PDLIM1: variants seen among roughly 807,000 people sequenced by gnomAD.
The protein encoded by PDLIM1 is PDZ and LIM domain protein 1.
In PDLIM1, 25 loss-of-function variants were observed where a neutral mutation model predicts 35.2. The observed-to-expected ratio is 0.71, with a 90% CI of 0.52 to 0.99. PDLIM1 has a LOEUF of 0.99. Among genes scored for constraint, PDLIM1 ranks in the 50% least tolerant of loss-of-function variants. The pLI is 0.00. For missense variants in PDLIM1, 363 were observed against 415.3 expected (o/e 0.87, Z 1.09); for synonymous variants, 152 against 154.0 (o/e 0.99, Z 0.10).
chr10:95,263,716 A>G lies in PDLIM1; in HGVS notation c.533+148T>C. 3 of 604,518 alleles carry G rather than the reference A, an allele frequency of 5.0e-6. No individual in the cohort carries two copies. In the Admixed American group the frequency reaches 9.1e-5, roughly 18 times the overall value. The allele number at this position is 604,518 out of a possible 1,614,324, so 37.4% of individuals were successfully genotyped here. On this transcript the variant is annotated intron_variant, in intron 4 of 6. Coordinates refer to ENST00000329399, the MANE Select transcript of PDLIM1 (RefSeq NM_020992.4). ...AGGAGGTATTGTCCCCTTTGTGTAG[A>G]TGAAGAAAATGAACACAGAAGTGTT...
Position 95,237,811 on chromosome 10 carries a change from A to G in PDLIM1, c.*114T>C. The G allele has an allele frequency of 1.2e-6, 1 of 830,562 alleles. No individual in the cohort carries two copies. The highest frequency in any genetic ancestry group is 2.7e-5 in the East Asian group (1 of 37,666). 51.4% of individuals were successfully genotyped at this position (830,562 alleles called of 1,614,324 possible). A position where few individuals can be genotyped will look rare whatever the true frequency, so the allele number is the denominator to read the frequency against. ...CAGGGAGGGGACTCAATGTTTTACA[A>G]GCAGAGGGAAAACCAAAGTAAGCAG... On this transcript the variant is annotated 3_prime_UTR_variant, in exon 7 of 7. Coordinates refer to ENST00000329399, the MANE Select transcript of PDLIM1 (RefSeq NM_020992.4).
At position 95,290,830 on chromosome 10, in the gene PDLIM1, G is replaced by A; in HGVS notation, c.86C>T (p.Ala29Val). Residue 29 changes from alanine to valine, a missense_variant, in exon 1 of 7, where the codon GCC becomes GTC. Physicochemically the swap from Ala to Val is moderately conservative, Grantham distance 64 (BLOSUM62 0). Coordinates refer to ENST00000329399, the MANE Select transcript of PDLIM1 (RefSeq NM_020992.4). This position sits in a 1 kb window ranked among gnomAD's most constrained non-coding sequence, Gnocchi z 4.7. The part of the protein sequence containing the change: ...VGGKDFEQPL[A>V]ISRVTPGSKA... ...CCCAGCTGCTCTTACCCGGGAAATG[G>A]CGAGAGGCTGCTCGAAGTCCTTGCC... The A allele has an allele frequency of 6.4e-7, 1 of 1,561,632 alleles. No homozygotes were observed. Among genetic ancestry groups the A allele is most frequent in the East Asian group, 2.6e-5 (1 of 38,942 alleles).
At chr10:95,242,640 T>A (rs1344527937) in intron 5 of PDLIM1, among the ~76,000 whole-genome samples, 1 of 149,298 alleles carries the variant, frequency 6.7e-6, no homozygotes, top group East Asian at 2.0e-4. Context: ...TGAGACGAGA[T>A]CACGCCACTG....
intron 4 of PDLIM1, among the ~76,000 whole-genome samples, chr10:95,262,937 G>C (rs1301971390): frequency 6.6e-6 from 1 of 152,038 alleles, no homozygotes; most frequent in African/African-American, 2.4e-5. Flanking sequence ...GGGCCCAGGA[G>C]TTCGAGACCA....
At chr10:95,284,752 T>A (rs902421763) in intron 1 of PDLIM1, among the ~76,000 whole-genome samples, 5 of 152,222 alleles carry the variant, frequency 3.3e-5, no homozygotes, top group Non-Finnish European at 7.3e-5. Context: ...AATTAGTCCC[T>A]GAGTGTTCAG....
chr10:95,263,993 G>C lies in PDLIM1; in HGVS notation c.404C>G (p.Thr135Ser), dbSNP rs764186610. The change falls in exon 4 of 7, where the codon ACT (threonine) becomes AGT (serine). Residue 135 changes from threonine to serine, a missense_variant. Transcript: ENST00000329399. ...MPFTASPASSTTARVITNQYN... is the reference protein window; with the variant it reads ...MPFTASPASSSTARVITNQYN... Reference sequence around the variant, plus strand: ...CTGGTTTGTGATGACCCTGGCAGTAGTGCTGGAGGCAGGCGAGGCGGTAAA... The same window carrying C: ...CTGGTTTGTGATGACCCTGGCAGTACTGCTGGAGGCAGGCGAGGCGGTAAA... 2 of 1,613,916 alleles carry C rather than the reference G, an allele frequency of 1.2e-6. No individual in the cohort carries two copies. Among genetic ancestry groups the C allele is most frequent in the South Asian group, 2.2e-5 (2 of 91,074 alleles).
rs769937368 is a variant in PDLIM1, at chr10:95,238,091, C to T, written c.824G>A (p.Arg275Gln). 2.4e-5 allele frequency: 38 copies of T among 1,613,678 alleles called. No individual in the cohort carries two copies. The highest frequency in any genetic ancestry group is 3.0e-5 in the Non-Finnish European group (35 of 1,179,902). The change falls in exon 7 of 7, where the codon CGG (arginine) becomes CAG (glutamine). Residue 275 changes from arginine to glutamine, a missense_variant. By Grantham distance (43) the Arg-to-Gln change is conservative. Coordinates refer to ENST00000329399, the MANE Select transcript of PDLIM1 (RefSeq NM_020992.4). ...TGIVGVFVKL[R>Q]DRHRHPECYV... Reference sequence around the variant, plus strand: ...ACACTCAGGGTGGCGGTGACGGTCCCGCAGCTTCACAAACACACCACTACA... The same window carrying T: ...ACACTCAGGGTGGCGGTGACGGTCCTGCAGCTTCACAAACACACCACTACA...
chr10:95,264,279 C>T (rs535099069), intron 3 of PDLIM1, among the ~76,000 whole-genome samples: 111 of 152,288 alleles, frequency 7.3e-4, no homozygotes, highest in African/African-American at 2.5e-3. Context: ...AGTTCACACC[C>T]CCTGAATCAT....
rs186855500 is a variant in PDLIM1 at position 95,269,033 on chromosome 10, G to A, written c.249-171C>T. Reference sequence around the variant, plus strand: ...GTTGATCTTTTAAACACCCCAATCTGATAACATCCATGGCTGATGGCTCCC... The same window carrying A: ...GTTGATCTTTTAAACACCCCAATCTAATAACATCCATGGCTGATGGCTCCC... On this transcript the variant is annotated intron_variant, in intron 2 of 6. Transcript: ENST00000329399. 4.8e-4 allele frequency among the ~76,000 whole-genome samples: 73 copies of A among 152,248 alleles called. 1 individual carries two copies. The highest frequency in any genetic ancestry group is 3.4e-3 in the Admixed American group (52 of 15,304).
chr10:95,240,078 G>A (rs997414983), intron 5 of PDLIM1, among the ~76,000 whole-genome samples: 6 of 152,218 alleles, frequency 3.9e-5, no homozygotes, highest in African/African-American at 1.4e-4. Context: ...AGACAGTGTG[G>A]TGAGTCCTCA....
chr10:95,250,675 G>C (rs976386909), intron 4 of PDLIM1, among the ~76,000 whole-genome samples: 3 of 152,164 alleles, frequency 2.0e-5, no homozygotes, highest in Non-Finnish European at 2.9e-5. Flanking sequence ...ACACCACTCA[G>C]TCTCCAGGAG....
At position 95,271,795 on chromosome 10, in the gene PDLIM1, A is replaced by C. The variant is rs778799677; in HGVS notation, c.97-11T>G. 4 of 1,604,700 alleles carry C rather than the reference A, an allele frequency of 2.5e-6. No homozygotes were observed. Among genetic ancestry groups the C allele is most frequent in the African/African-American group, 1.3e-5 (1 of 74,710 alleles). On this transcript the variant is annotated splice_polypyrimidine_tract_variant and intron_variant, in intron 1 of 6. Coordinates refer to ENST00000329399, the MANE Select transcript of PDLIM1 (RefSeq NM_020992.4). ...GCTTCCAGGAGTGACCTAGAAAAAA[A>C]GGGGAAAGCAGGCTAGTTACTATTT... is the stretch of plus-strand genomic sequence containing the variant.
At chr10:95,266,342 A>C (rs2035417309) in intron 3 of PDLIM1, among the ~76,000 whole-genome samples, 3 of 152,254 alleles carry the variant, frequency 2.0e-5, no homozygotes, top group Admixed American at 2.0e-4. Context: ...ATGAAGACAG[A>C]GATTTACAGA....
intron 4 of PDLIM1, among the ~76,000 whole-genome samples, chr10:95,249,557 A>G (rs1053983421): frequency 2.6e-5 from 4 of 152,212 alleles, no homozygotes; most frequent in Non-Finnish European, 5.9e-5. Flanking sequence ...TTAGGGCTGG[A>G]GCCACTTTCA....
chr10:95,253,603 C>T (rs1053782488), intron 4 of PDLIM1, among the ~76,000 whole-genome samples: 3 of 148,990 alleles, frequency 2.0e-5, no homozygotes, highest in African/African-American at 7.5e-5. Flanking sequence ...TGGCAGTAAG[C>T]GGAGATCGCA....
rs1179467325 is a variant in PDLIM1 at position 95,290,311 on chromosome 10, G to A, written c.96+509C>T. Among the ~76,000 whole-genome samples, 2 of 152,086 alleles carry A rather than the reference G, an allele frequency of 1.3e-5. No individual in the cohort carries two copies. Among genetic ancestry groups the A allele is most frequent in the Non-Finnish European group, 2.9e-5 (2 of 68,018 alleles). ...AAAAGCCATTCGAGGGGCGAGCCTC[G>A]GCCGTGGGTCAAGTCCAAAGAGCGT... On this transcript the variant is annotated intron_variant, in intron 1 of 6. Coordinates refer to ENST00000329399, the MANE Select transcript of PDLIM1 (RefSeq NM_020992.4). The surrounding 1 kb of genome is among the most constrained non-coding windows in gnomAD (Gnocchi z 4.7).
At position 95,288,759 on chromosome 10, in the gene PDLIM1, A is replaced by C. The variant is rs117248795; in HGVS notation, c.96+2061T>G. ...GAAGAGAAACAAATAAATTACTGTC[A>C]GCATGAAAATGTTACCTCTTCTGAG... On this transcript the variant is annotated intron_variant, in intron 1 of 6. Transcript: ENST00000329399. Among the ~76,000 whole-genome samples the C allele has an allele frequency of 2.0e-3, 300 of 152,330 alleles. 4 individuals are homozygous for C. The highest frequency in any genetic ancestry group is 9.8e-4 in the Non-Finnish European group (67 of 68,034).
chr10:95,242,301 A>G (rs1374520459), intron 5 of PDLIM1, among the ~76,000 whole-genome samples: 2 of 152,054 alleles, frequency 1.3e-5, no homozygotes, highest in African/African-American at 4.8e-5. Context: ...AACTTTGTTC[A>G]CCATATATTT....
chr10:95,290,778 C>G lies in PDLIM1; in HGVS notation c.96+42G>C, dbSNP rs1314101358. 7.1e-7 allele frequency: 1 copy of G among 1,408,204 alleles called. No individual in the cohort carries two copies. The highest frequency in any genetic ancestry group is 9.7e-7 in the Non-Finnish European group (1 of 1,032,816). The allele number at this position is 1,408,204 out of a possible 1,614,324, so 87.2% of individuals were successfully genotyped here. ...GGGCCCCAGTCTCCGCATATCACCT[C>G]CCATAGCGCCCCGCTTCCACGCACG... On this transcript the variant is annotated intron_variant, in intron 1 of 6. Coordinates refer to ENST00000329399, the MANE Select transcript of PDLIM1 (RefSeq NM_020992.4). The surrounding 1 kb of genome is among the most constrained non-coding windows in gnomAD (Gnocchi z 4.7).
Sources: allele counts gnomAD v4.1 joint callset (sites outside exome capture counted in the v4.1 genomes callset), GRCh38; gene constraint gnomAD v4.1.1; non-coding constraint Gnocchi (gnomAD v3.1); transcripts MANE v1.5; gene names NCBI Gene and HGNC (gene_info 2026-07-23, HGNC 2026-07-21).